ZNF324B: variants seen among roughly 807,000 people sequenced by gnomAD.
ZNF324B encodes the protein zinc finger protein 324B.
ZNF324B carries 7 observed loss-of-function variants against 10.6 expected under a neutral mutation model. That is an observed-to-expected ratio of 0.66 (90% CI 0.38 to 1.24). The LOEUF (loss-of-function observed/expected upper bound fraction) is 1.24, where lower values mean the gene tolerates loss of function less well. Among genes scored for constraint, ZNF324B ranks in the 50% most tolerant of loss-of-function variants. ZNF324B has a pLI of 0.02. For synonymous variants in ZNF324B, 316 were observed against 321.0 expected (o/e 0.98, Z 0.17); for missense variants, 640 against 764.7 (o/e 0.84, Z 1.92).
the ZNF324B span, among the ~76,000 whole-genome samples, chr19:58,420,211 G>A: frequency 6.6e-6 from 1 of 152,144 alleles, no homozygotes; most frequent in Non-Finnish European, 1.5e-5. Flanking sequence ...GAGGTCAGGA[G>A]ATCGAGACCA....
At chr19:58,437,856 C>T in the ZNF324B span, 2 of 930,016 alleles carry the variant, frequency 2.2e-6, no homozygotes, top group South Asian at 5.0e-5. Flanking sequence ...CAACCATCAG[C>T]TGCCCAGAAC....
At chr19:58,452,174 C>T (rs113942726) in intron 1 of ZNF324B, 1,634 of 134,998 alleles carry the variant, frequency 0.012, 4 homozygotes, top group East Asian at 0.025. Flanking sequence ...GCTGAGGTCC[C>T]GAAGGAGGCT....
At chr19:58,433,896 C>T in the ZNF324B span, 1 of 1,614,184 alleles carries the variant, frequency 6.2e-7, no homozygotes, top group Non-Finnish European at 8.5e-7. Context: ...ATTCGCTGCA[C>T]TCATAAGGCC....
the ZNF324B span, chr19:58,434,881 G>C: frequency 2.6e-5 from 42 of 1,614,074 alleles, no homozygotes; most frequent in Non-Finnish European, 3.4e-5. Flanking sequence ...GGGGTTCTCT[G>C]ACAGGTGGAC....
At position 58,455,339 on chromosome 19, in the gene ZNF324B, A is replaced by C. The variant is rs114021504; in HGVS notation, c.395A>C (p.Gln132Pro). 6.2e-7 allele frequency: 1 copy of C among 1,614,172 alleles called. No individual in the cohort carries two copies. The highest frequency in any genetic ancestry group is 1.3e-5 in the African/African-American group (1 of 75,038). The change falls in exon 4 of 4, where the codon CAG (glutamine) becomes CCG (proline). Residue 132 changes from glutamine to proline, a missense_variant. Physicochemically the swap from Gln to Pro is moderately conservative, Grantham distance 76. This residue lies in a region of ZNF324B where 345 missense variants were observed against 387.9 expected (regional missense o/e 0.89). Transcript: ENST00000336614. The surrounding 1 kb of genome is among the most constrained non-coding windows in gnomAD (Gnocchi z 7.0). Reference sequence around the variant, plus strand: ...CGACAACCGGGTGCCTCCCCATCTCAGGAGAGAAAACCCACGGGGGTGTCG... The same window carrying C: ...CGACAACCGGGTGCCTCCCCATCTCCGGAGAGAAAACCCACGGGGGTGTCG... The part of the protein sequence containing the change: ...LQRQPGASPS[Q>P]ERKPTGVSVI...
chr19:58,454,411 C>A, intron 3 of ZNF324B, 67 bp downstream of exon 3: 1 of 1,035,278 alleles, frequency 9.7e-7, no homozygotes, highest in Non-Finnish European at 1.5e-6. Context: ...CCCTGCTTTT[C>A]TGACTCTGGA....
At chr19:58,432,479 CCAGT>C in the ZNF324B span, among the ~76,000 whole-genome samples, 8 of 152,326 alleles carry the variant, frequency 5.3e-5, no homozygotes, top group South Asian at 1.7e-3. Context: ...TACCTCACAT[CCAGT>C]GTTTCTCTAT....
At chr19:58,433,968 A>C in the ZNF324B span, 1 of 1,614,216 alleles carries the variant, frequency 6.2e-7, no homozygotes, top group African/African-American at 1.3e-5. Flanking sequence ...AGGCTTTACC[A>C]CAATCACAGC....
At chr19:58,438,753 G>A in the ZNF324B span, among the ~76,000 whole-genome samples, 5 of 148,932 alleles carry the variant, frequency 3.4e-5, no homozygotes, top group Non-Finnish European at 7.4e-5. Context: ...GATTACAGGC[G>A]TGAGCCACCA....
At chr19:58,440,273 G>A in the ZNF324B span, 1 of 202,600 alleles carries the variant, frequency 4.9e-6, no homozygotes. Context: ...TCACGCTACT[G>A]CTAGGTCGTT....
the ZNF324B span, chr19:58,433,589 T>C: frequency 6.2e-7 from 1 of 1,614,220 alleles, no homozygotes; most frequent in Non-Finnish European, 8.5e-7. Context: ...GTGTGAACTC[T>C]CCAGTGACAA....
chr19:58,434,570 C>T, the ZNF324B span: 1 of 1,614,120 alleles, frequency 6.2e-7, no homozygotes, highest in Non-Finnish European at 8.5e-7. Flanking sequence ...TCCTTACACA[C>T]ATGGGGTATT....
the ZNF324B span, chr19:58,433,688 G>T: frequency 6.2e-7 from 1 of 1,610,258 alleles, no homozygotes; most frequent in Non-Finnish European, 8.5e-7. Context: ...TGCTTAATGA[G>T]AATGGAGTTT....
In ZNF324B at chr19:58,455,709, G is replaced by A. The variant is rs576499269; in HGVS notation, c.765G>A (p.Lys255=). Residue 255 remains lysine, a synonymous_variant, in exon 4 of 4, where the codon AAG becomes AAA. Transcript: ENST00000336614. This position sits in a 1 kb window ranked among gnomAD's most constrained non-coding sequence, Gnocchi z 7.0. ...ELGEALHAGE[K]SFECRACSKV... ...GCGAGGCTCTTCACGCTGGGGAGAA[G>A]TCCTTCGAATGCAGGGCGTGCAGCA... is the stretch of plus-strand genomic sequence containing the variant. The A allele has an allele frequency of 1.3e-5, 21 of 1,613,668 alleles. No individual in the cohort carries two copies. The East Asian group carries it at 4.2e-4, about 33-fold the overall frequency.
chr19:58,426,062 G>C, the ZNF324B span, among the ~76,000 whole-genome samples: 1 of 152,198 alleles, frequency 6.6e-6, no homozygotes, highest in African/African-American at 2.4e-5. Flanking sequence ...AAGGTCTGCA[G>C]ATCGATGAGT....
the ZNF324B span, among the ~76,000 whole-genome samples, chr19:58,446,577 T>C: frequency 1.4e-3 from 83 of 57,394 alleles, no homozygotes; most frequent in African/African-American, 2.2e-3. Context: ...CTTTCTCTTT[T>C]TTTTTTTTTT....
At position 58,456,660 on chromosome 19, in the gene ZNF324B, C is replaced by G. The variant is rs2052926415; in HGVS notation, c.*81C>G. The G allele has an allele frequency of 6.8e-7, 1 of 1,475,960 alleles. No homozygotes were observed. Among genetic ancestry groups the G allele is most frequent in the East Asian group, 2.4e-5 (1 of 41,766 alleles). 91.4% of individuals were successfully genotyped at this position (1,475,960 alleles called of 1,614,324 possible). A position where few individuals can be genotyped will look rare whatever the true frequency, so the allele number is the denominator to read the frequency against. ...TAAAGGGTCCGAGTGCTCTTCAGAT[C>G]CACGATGGGGAAAAGCTCTGTGCCT... On this transcript the variant is annotated 3_prime_UTR_variant, in exon 4 of 4. Transcript: ENST00000336614. This position sits in a 1 kb window ranked among gnomAD's most constrained non-coding sequence, Gnocchi z 4.7.
chr19:58,441,294 T>G, the ZNF324B span: 1 of 152,416 alleles, frequency 6.6e-6, no homozygotes, highest in Non-Finnish European at 1.5e-5. Flanking sequence ...AGAAGGTGGT[T>G]GTAGTGGGGC....
chr19:58,433,765 T>C, the ZNF324B span: 2 of 1,614,172 alleles, frequency 1.2e-6, no homozygotes, highest in Non-Finnish European at 1.7e-6. Context: ...TCTCCAGTGT[T>C]CAATGAGAGT....
Sources: allele counts gnomAD v4.1 joint callset (sites outside exome capture counted in the v4.1 genomes callset), GRCh38; gene constraint gnomAD v4.1.1; regional missense constraint gnomAD v4.1.1; non-coding constraint Gnocchi (gnomAD v3.1); transcripts MANE v1.5; gene names NCBI Gene and HGNC (gene_info 2026-07-23, HGNC 2026-07-21).